DAGLB: variants seen among roughly 807,000 people sequenced by gnomAD.
The protein encoded by DAGLB is diacylglycerol lipase beta.
Under a neutral mutation model 72.1 loss-of-function variants are expected in DAGLB, and 66 were observed. That is an observed-to-expected ratio of 0.92 (90% confidence interval 0.75 to 1.12). DAGLB has a LOEUF of 1.12. Ranked by LOEUF, DAGLB falls within the 50% of genes most tolerant of loss-of-function variation. The pLI is 0.00. For missense variants in DAGLB, 1,065 were observed against 884.9 expected, an observed-to-expected ratio of 1.20 and a Z score of -2.58; for synonymous variants, 414 against 359.5, an observed-to-expected ratio of 1.15 and a Z score of -1.71.
intron 9 of DAGLB, among the ~76,000 whole-genome samples, chr7:6,418,278 A>C (rs572416189): frequency 1.4e-3 from 220 of 152,130 alleles, no homozygotes; most frequent in Admixed American, 2.3e-3. Flanking sequence ...CTGAGGCAGG[A>C]GGATCACTTG....
intron 5 of DAGLB, among the ~76,000 whole-genome samples, 196 bp downstream of exon 5, chr7:6,432,641 C>T (rs1416174276): frequency 2.5e-5 from 3 of 119,670 alleles, no homozygotes; most frequent in African/African-American, 9.8e-5. Flanking sequence ...GCCTGGGCGA[C>T]AGAGCGAGAC....
At position 6,435,047 on chromosome 7, in the gene DAGLB, C is replaced by T. The variant is rs201940690; in HGVS notation, c.420-27G>A. ...TGCAAGACAGAGAGAGGAAAAGGCT[C>T]GGTGACTGCGGGCCCCAGCCCAGAC... On this transcript the variant is annotated intron_variant, in intron 3 of 14. Coordinates refer to ENST00000297056, the MANE Select transcript of DAGLB (RefSeq NM_139179.4). 5.0e-5 allele frequency: 81 copies of T among 1,609,204 alleles called. No homozygotes were observed. The East Asian group carries it at 1.1e-3, about 22-fold the overall frequency.
intron 6 of DAGLB, among the ~76,000 whole-genome samples, 196 bp downstream of exon 6, chr7:6,430,284 C>CATATATATATATATATATATAT (rs1784444640): frequency 6.3e-5 from 3 of 47,826 alleles, no homozygotes; most frequent in Non-Finnish European, 1.2e-4. Flanking sequence ...TATATATATG[C>CATATATATATATATATATATAT]AGGGGGGAGG....
intron 2 of DAGLB, among the ~76,000 whole-genome samples, chr7:6,440,928 C>G (rs1375834595): frequency 6.6e-6 from 1 of 152,018 alleles, no homozygotes; most frequent in Non-Finnish European, 1.5e-5. Context: ...ATGTTCTTTG[C>G]CCATTTTCCT....
intron 5 of DAGLB, 53 bp from the exon 6 acceptor site, chr7:6,430,660 G>A: frequency 2.1e-6 from 3 of 1,460,166 alleles, no homozygotes; most frequent in Non-Finnish European, 1.8e-6. Context: ...CTGACACAGA[G>A]GATCAACACA....
intron 2 of DAGLB, among the ~76,000 whole-genome samples, chr7:6,438,690 T>C (rs1007118777): frequency 6.6e-6 from 1 of 152,060 alleles, no homozygotes; most frequent in Non-Finnish European, 1.5e-5. Context: ...ATTAATGAAA[T>C]ACACAGACAA....
intron 13 of DAGLB, chr7:6,412,477 TAGAA>T: frequency 4.1e-6 from 1 of 242,280 alleles, no homozygotes. Flanking sequence ...TTTTTTTTTT[TAGAA>T]TAGAGACAGG....
Position 6,410,005 on chromosome 7 carries a change from G to C in DAGLB, c.1851C>G (p.Ser617Arg), listed in dbSNP as rs746434139. 6.2e-6 allele frequency: 10 copies of C among 1,613,882 alleles called. No individual in the cohort carries two copies. The South Asian group carries it at 8.8e-5, about 14-fold the overall frequency. Residue 617 changes from serine (S) to arginine (R), a missense_variant, in exon 15 of 15, where the codon AGC (serine) becomes AGG (arginine). Coordinates refer to ENST00000297056, the MANE Select transcript of DAGLB (RefSeq NM_139179.4). ...ATTCCGCTTCGTGTGACCACTTGGC[G>C]CTATAGTGAGCAGCAGAGCAGCAGC... is the stretch of plus-strand genomic sequence containing the variant. The part of the protein sequence containing the change: ...RFGCCSAAHY[S>R]AKWSHEAEFS...
Position 6,409,674 on chromosome 7 carries a change from T to A in DAGLB, c.*163A>T, listed in dbSNP as rs1783651016. 1.2e-6 allele frequency: 1 copy of A among 837,014 alleles called. No homozygotes were observed. The highest frequency in any genetic ancestry group is 1.8e-6 in the Non-Finnish European group (1 of 549,946). The allele number at this position is 837,014 out of a possible 1,614,324, so 51.8% of individuals were successfully genotyped here. On this transcript the variant is annotated 3_prime_UTR_variant, in exon 15 of 15. Transcript: ENST00000297056. ...TGCTACCATTATGGCCACAATGACTTCCCATAAACTTAAGTCATTGAGACC... is the reference window on the plus strand; with the variant it reads ...TGCTACCATTATGGCCACAATGACTACCCATAAACTTAAGTCATTGAGACC...
chr7:6,415,640 C>G lies in DAGLB; in HGVS notation c.1427+987G>C, dbSNP rs112001377. ...ATCATGAGGTCAGAAGACAGGAGAT[C>G]GAGACCATCCTGGCTAACACGGTGA... On this transcript the variant is annotated intron_variant, in intron 11 of 14. Coordinates refer to ENST00000297056, the MANE Select transcript of DAGLB (RefSeq NM_139179.4). Among the ~76,000 whole-genome samples the G allele has an allele frequency of 7.7e-3, 1,167 of 151,210 alleles. 20 individuals carry two copies. Among genetic ancestry groups the G allele is most frequent in the African/African-American group, 0.027 (1,102 of 41,226 alleles).
chr7:6,440,386 C>T, intron 2 of DAGLB, among the ~76,000 whole-genome samples: 1 of 133,710 alleles, frequency 7.5e-6, no homozygotes, highest in Non-Finnish European at 1.7e-5. Context: ...ACTCCGTCTC[C>T]AAAAAAAAAA....
intron 9 of DAGLB, among the ~76,000 whole-genome samples, chr7:6,418,809 C>T (rs1490767719): frequency 5.3e-5 from 8 of 152,034 alleles, no homozygotes; most frequent in South Asian, 2.1e-4. Context: ...GGACTACAGG[C>T]GCCCGCCACC....
At chr7:6,444,786 G>T (rs1042399822) in intron 2 of DAGLB, among the ~76,000 whole-genome samples, 1 of 151,550 alleles carries the variant, frequency 6.6e-6, no homozygotes, top group Non-Finnish European at 1.5e-5. Flanking sequence ...ATGGCCTGTG[G>T]CCCCAGCTAT....
intron 9 of DAGLB, chr7:6,417,424 GACAA>G (rs1783956236): frequency 6.5e-6 from 1 of 153,630 alleles, no homozygotes; most frequent in Non-Finnish European, 1.4e-5. Context: ...AAAACAAACA[GACAA>G]ACAAAAAACC....
intron 5 of DAGLB, among the ~76,000 whole-genome samples, chr7:6,432,524 G>GT (rs1784516502): frequency 6.8e-6 from 1 of 147,344 alleles, no homozygotes; most frequent in Non-Finnish European, 1.5e-5. Context: ...GCCAGGTGTG[G>GT]TGGCAGGCGC....
At chr7:6,430,285 A>ATATATATATATATGG (rs1784444801) in intron 6 of DAGLB, among the ~76,000 whole-genome samples, 195 bp downstream of exon 6, 1 of 98,416 alleles carries the variant, frequency 1.0e-5, no homozygotes. Context: ...ATATATATGC[A>ATATATATATATATGG]GGGGGGAGGG....
At chr7:6,430,391 A>T in intron 6 of DAGLB, 89 bp downstream of exon 6, 1 of 1,372,306 alleles carries the variant, frequency 7.3e-7, no homozygotes, top group Non-Finnish European at 9.5e-7. Context: ...AGTTCTTTGC[A>T]CTGTTCTTTC....
intron 6 of DAGLB, among the ~76,000 whole-genome samples, chr7:6,429,186 A>G (rs1250229251): frequency 6.6e-6 from 1 of 152,094 alleles, no homozygotes; most frequent in African/African-American, 2.4e-5. Flanking sequence ...CAGAAATGGG[A>G]CAAACTGGCA....
intron 11 of DAGLB, among the ~76,000 whole-genome samples, chr7:6,414,626 A>G (rs1343790102): frequency 4.6e-5 from 7 of 152,076 alleles, no homozygotes; most frequent in African/African-American, 1.4e-4. Flanking sequence ...ATCACTATAC[A>G]CTACAGTTAC....
Sources: allele counts gnomAD v4.1 joint callset (sites outside exome capture counted in the v4.1 genomes callset), GRCh38; gene constraint gnomAD v4.1.1; transcripts MANE v1.5; gene names NCBI Gene and HGNC (gene_info 2026-07-23, HGNC 2026-07-21).